NLK: variants seen among roughly 807,000 people sequenced by gnomAD.
The protein encoded by NLK is serine/threonine-protein kinase NLK.
In NLK, 11 loss-of-function variants were observed where a neutral mutation model predicts 59.0. That is an observed-to-expected ratio of 0.19 (90% CI 0.12 to 0.31). The LOEUF is 0.31. Ranked by LOEUF, NLK falls within the 10% of genes least tolerant of loss-of-function variation. The pLI, the probability that NLK is intolerant of heterozygous loss-of-function variation, is 1.00. For missense variants in NLK, 410 were observed against 661.1 expected, an observed-to-expected ratio of 0.62 and a Z score of 4.16; for synonymous variants, 235 against 235.9, an observed-to-expected ratio of 1.00 and a Z score of 0.03.
At position 28,162,567 on chromosome 17, in the gene NLK, G is replaced by A. The variant is rs74542339; in HGVS notation, c.752-976G>A. Among the ~76,000 whole-genome samples the A allele has an allele frequency of 3.7e-4, 57 of 152,256 alleles. No homozygotes were observed. The East Asian group carries it at 0.01, about 28-fold the overall frequency. On this transcript the variant is annotated intron_variant, in intron 4 of 10. Transcript: ENST00000407008. ...CAGGAGAATCGAGTGAACCCAGGAG[G>A]TGGAGGCTGCAGGGAGCCAAGATCG...
chr17:28,080,574 A>C (rs901203791), intron 1 of NLK, among the ~76,000 whole-genome samples: 5 of 152,188 alleles, frequency 3.3e-5, no homozygotes, highest in Admixed American at 6.5e-5. Context: ...GGTACAGAGC[A>C]CGCTTATGAA....
At chr17:28,111,914 T>TG (rs1905533050) in intron 1 of NLK, among the ~76,000 whole-genome samples, 1 of 146,646 alleles carries the variant, frequency 6.8e-6, no homozygotes, top group Non-Finnish European at 1.5e-5. Flanking sequence ...TGTGTGTGTG[T>TG]GTGTGTGTGT....
intron 8 of NLK, among the ~76,000 whole-genome samples, chr17:28,187,857 G>A (rs1489746906): frequency 6.6e-6 from 1 of 152,146 alleles, no homozygotes; most frequent in East Asian, 1.9e-4. Context: ...GTAAGGAAGA[G>A]TATATATTCT....
chr17:28,074,430 A>G (rs1264547547), intron 1 of NLK, among the ~76,000 whole-genome samples: 1 of 152,192 alleles, frequency 6.6e-6, no homozygotes, highest in African/African-American at 2.4e-5. Flanking sequence ...AAATGGATAC[A>G]GTGATAGATT....
At chr17:28,127,804 T>C (rs576071532) in intron 2 of NLK, among the ~76,000 whole-genome samples, 5 of 152,224 alleles carry the variant, frequency 3.3e-5, no homozygotes, top group Admixed American at 3.3e-4. Flanking sequence ...AGAAGTTAAA[T>C]AAAGTTAGAA....
intron 1 of NLK, among the ~76,000 whole-genome samples, chr17:28,101,753 T>G (rs960502500): frequency 6.6e-6 from 1 of 152,186 alleles, no homozygotes; most frequent in Non-Finnish European, 1.5e-5. Context: ...GTTTTTCCTT[T>G]CTCATTCATA....
intron 1 of NLK, among the ~76,000 whole-genome samples, chr17:28,100,194 T>A (rs1262184285): frequency 6.6e-6 from 1 of 152,228 alleles, no homozygotes; most frequent in African/African-American, 2.4e-5. Context: ...GGGTAAATAC[T>A]TAGGAATGGA....
downstream of NLK, among the ~76,000 whole-genome samples, chr17:28,199,230 T>G (rs969357748): frequency 6.6e-6 from 1 of 152,142 alleles, no homozygotes; most frequent in Non-Finnish European, 1.5e-5. Flanking sequence ...TGTGAAGAAA[T>G]TGGAATCCTT....
At chr17:28,082,018 C>T (rs1245345775) in intron 1 of NLK, among the ~76,000 whole-genome samples, 2 of 152,136 alleles carry the variant, frequency 1.3e-5, no homozygotes, top group African/African-American at 2.4e-5. Flanking sequence ...CTCATCCTCC[C>T]GAGTAGCTCG....
At chr17:28,044,688 A>G (rs1198192094) in intron 1 of NLK, among the ~76,000 whole-genome samples, 5 of 152,164 alleles carry the variant, frequency 3.3e-5, no homozygotes. Flanking sequence ...ACTATCTCAG[A>G]GATTTAACTG....
At chr17:28,199,276 G>C (rs747766132), downstream of NLK, among the ~76,000 whole-genome samples, 3 of 152,186 alleles carry the variant, frequency 2.0e-5, no homozygotes, top group Non-Finnish European at 4.4e-5. Context: ...TGGTGCAACA[G>C]CTGTGGAAAA....
At chr17:28,075,376 A>G (rs1036444580) in intron 1 of NLK, among the ~76,000 whole-genome samples, 2 of 152,214 alleles carry the variant, frequency 1.3e-5, no homozygotes, top group African/African-American at 2.4e-5. Context: ...GTGGAAATCA[A>G]AGTAACCTTT....
intron 2 of NLK, among the ~76,000 whole-genome samples, chr17:28,129,915 C>T (rs1335202872): frequency 6.6e-6 from 1 of 152,116 alleles, no homozygotes; most frequent in Non-Finnish European, 1.5e-5. Flanking sequence ...GGTTAAAATC[C>T]TAAAAAGCAG....
intron 7 of NLK, among the ~76,000 whole-genome samples, chr17:28,173,738 G>T (rs1375318193): frequency 6.6e-6 from 1 of 152,142 alleles, no homozygotes; most frequent in East Asian, 1.9e-4. Flanking sequence ...ATTATAGAAG[G>T]AACTAACAAG....
chr17:28,170,184 G>A (rs998172537), intron 6 of NLK, among the ~76,000 whole-genome samples: 1 of 152,188 alleles, frequency 6.6e-6, no homozygotes, highest in African/African-American at 2.4e-5. Flanking sequence ...GATGGAAGAC[G>A]CTGTAGGAAA....
At chr17:28,120,290 TACAG>T (rs1905985087) in intron 1 of NLK, among the ~76,000 whole-genome samples, 1 of 150,326 alleles carries the variant, frequency 6.7e-6, no homozygotes, top group African/African-American at 2.5e-5. Flanking sequence ...GTGTGTAAAA[TACAG>T]ACAGGGTCTC....
chr17:28,137,196 G>A (rs181281235), intron 3 of NLK, among the ~76,000 whole-genome samples: 1 of 152,158 alleles, frequency 6.6e-6, no homozygotes, highest in Admixed American at 6.5e-5. Flanking sequence ...AGATTTTACA[G>A]TAGATAATAT....
intron 1 of NLK, among the ~76,000 whole-genome samples, chr17:28,114,136 T>G (rs971793588): frequency 2.0e-5 from 3 of 152,196 alleles, no homozygotes; most frequent in Admixed American, 2.0e-4. Context: ...TATTATATAT[T>G]GAACATTCTG....
At chr17:28,047,310 A>G (rs573316035) in intron 1 of NLK, among the ~76,000 whole-genome samples, 43 of 152,314 alleles carry the variant, frequency 2.8e-4, no homozygotes, top group African/African-American at 8.4e-4. Context: ...CATGCAGACT[A>G]TTTTTGGAGG....
Sources: allele counts gnomAD v4.1 joint callset (sites outside exome capture counted in the v4.1 genomes callset), GRCh38; gene constraint gnomAD v4.1.1; transcripts MANE v1.5; gene names NCBI Gene and HGNC (gene_info 2026-07-23, HGNC 2026-07-21).